Variants in ESRRG observed in about 807,000 individuals in gnomAD.
ESRRG encodes estrogen-related receptor gamma.
In ESRRG, 13 loss-of-function variants were observed where a neutral mutation model predicts 44.0. That is an observed-to-expected ratio of 0.30 (90% CI 0.19 to 0.47). The LOEUF (loss-of-function observed/expected upper bound fraction) is 0.47. Ranked by LOEUF, ESRRG falls within the 20% of genes least tolerant of loss-of-function variation. ESRRG has a pLI of 1.00. For synonymous variants in ESRRG, 215 were observed against 214.6 expected (o/e 1.00, Z -0.02); for missense variants, 395 against 580.6 (o/e 0.68, Z 3.29).
At chr1:216,660,168 T>G (rs2151206342) in intron 2 of ESRRG, among the ~76,000 whole-genome samples, 2 of 152,304 alleles carry the variant, frequency 1.3e-5, no homozygotes, top group Middle Eastern at 6.8e-3. Flanking sequence ...GGGGTAAATA[T>G]GTAAGGACTT....
chr1:216,866,646 T>C (rs909985942), intron 2 of ESRRG, among the ~76,000 whole-genome samples: 1 of 151,950 alleles, frequency 6.6e-6, no homozygotes, highest in Non-Finnish European at 1.5e-5. Context: ...CCTCAGCTCA[T>C]TGCAGTCTTG....
chr1:217,136,252 G>A (rs956657781), intron 1 of ESRRG, among the ~76,000 whole-genome samples: 9 of 152,316 alleles, frequency 5.9e-5, no homozygotes, highest in African/African-American at 1.9e-4. Flanking sequence ...GAAAGGGAAA[G>A]CAACGCCAGG....
chr1:216,858,887 C>T (rs1163613200), intron 2 of ESRRG, among the ~76,000 whole-genome samples: 2 of 152,160 alleles, frequency 1.3e-5, no homozygotes, highest in African/African-American at 4.8e-5. Context: ...GTTCAGGCAA[C>T]CTGTACTGAT....
chr1:216,780,272 A>C (rs2093880986), intron 2 of ESRRG, among the ~76,000 whole-genome samples: 1 of 152,028 alleles, frequency 6.6e-6, no homozygotes. Flanking sequence ...CTGCTTTTAA[A>C]GGAGTACTGT....
chr1:216,631,047 C>T (rs2064083137), intron 3 of ESRRG, among the ~76,000 whole-genome samples: 1 of 149,872 alleles, frequency 6.7e-6, no homozygotes, highest in South Asian at 2.1e-4. Flanking sequence ...ATTTTCTGTT[C>T]TAGGAAGCTG....
chr1:216,707,518 A>T (rs1175348664), intron 1 of ESRRG: 1 of 1,517,260 alleles, frequency 6.6e-7, no homozygotes, highest in African/African-American at 1.4e-5. Flanking sequence ...GTTAGGGTGA[A>T]AGTTGCAATT....
chr1:216,803,479 T>G (rs1386132825), intron 2 of ESRRG, among the ~76,000 whole-genome samples: 1 of 152,162 alleles, frequency 6.6e-6, no homozygotes. Flanking sequence ...CAGATGAGAA[T>G]AAGAACTGCC....
At chr1:216,837,234 C>T (rs764219232) in intron 2 of ESRRG, among the ~76,000 whole-genome samples, 88 of 151,804 alleles carry the variant, frequency 5.8e-4, no homozygotes, top group Non-Finnish European at 3.8e-4. Flanking sequence ...ACAGTGAAAC[C>T]GTGTCTCTAC....
At chr1:216,668,356 G>T (rs758664333) in intron 2 of ESRRG, among the ~76,000 whole-genome samples, 1 of 152,112 alleles carries the variant, frequency 6.6e-6, no homozygotes, top group Non-Finnish European at 1.5e-5. Flanking sequence ...AGGCTCTTAC[G>T]TAGTGTCACC....
chr1:216,964,961 G>A (rs528487654), intron 1 of ESRRG, among the ~76,000 whole-genome samples: 1 of 152,238 alleles, frequency 6.6e-6, no homozygotes, highest in East Asian at 1.9e-4. Context: ...GATTTTAATA[G>A]TTCAATAAAT....
intron 1 of ESRRG, among the ~76,000 whole-genome samples, chr1:216,987,788 A>G (rs561144409): frequency 6.6e-6 from 1 of 152,238 alleles, no homozygotes; most frequent in East Asian, 1.9e-4. Context: ...TCTGGCCACT[A>G]TGATGGTTTG....
intron 2 of ESRRG, among the ~76,000 whole-genome samples, chr1:216,827,106 T>TA (rs2095411044): frequency 6.6e-6 from 1 of 152,208 alleles, no homozygotes; most frequent in African/African-American, 2.4e-5. Context: ...TACTTAATGT[T>TA]AACAGTGGCT....
At chr1:216,932,560 T>C (rs540303679) in intron 2 of ESRRG, among the ~76,000 whole-genome samples, 32 of 152,112 alleles carry the variant, frequency 2.1e-4, no homozygotes, top group Admixed American at 5.9e-4. Context: ...TGTGTATGTG[T>C]TTAGAGACAG....
intron 1 of ESRRG, among the ~76,000 whole-genome samples, chr1:217,065,638 A>C (rs1436884060): frequency 6.6e-6 from 1 of 152,172 alleles, no homozygotes; most frequent in African/African-American, 2.4e-5. Flanking sequence ...GCCACACTGG[A>C]TACTGTCTGC....
intron 3 of ESRRG, among the ~76,000 whole-genome samples, chr1:216,626,826 G>A (rs1366834208): frequency 6.6e-6 from 1 of 152,182 alleles, no homozygotes; most frequent in East Asian, 1.9e-4. Context: ...ACTGCAGTCT[G>A]ACTCATTGTT....
chr1:216,690,283 T>G (rs2078825082), intron 1 of ESRRG, among the ~76,000 whole-genome samples: 1 of 151,996 alleles, frequency 6.6e-6, no homozygotes, highest in Non-Finnish European at 1.5e-5. Context: ...TGTGTTTGCA[T>G]GTGTGTGTGC....
intron 5 of ESRRG, among the ~76,000 whole-genome samples, chr1:216,546,541 A>C (rs72735187): frequency 0.015 from 2,345 of 152,206 alleles, 15 homozygotes; most frequent in Non-Finnish European, 0.024. Context: ...ATAAATTTTT[A>C]ACAAGAGGAT....
chr1:217,077,083 T>A (rs1040281820), intron 1 of ESRRG, among the ~76,000 whole-genome samples: 1 of 152,220 alleles, frequency 6.6e-6, no homozygotes, highest in African/African-American at 2.4e-5. Flanking sequence ...AATCATTTCA[T>A]GTCTGGTTGC....
intron 3 of ESRRG, among the ~76,000 whole-genome samples, chr1:216,627,400 G>C (rs2063363543): frequency 6.6e-6 from 1 of 151,982 alleles, no homozygotes; most frequent in Admixed American, 6.6e-5. Flanking sequence ...TTTACTCTCT[G>C]AGATGCCAGC....
Sources: allele counts gnomAD v4.1 joint callset (sites outside exome capture counted in the v4.1 genomes callset), GRCh38; gene constraint gnomAD v4.1.1; transcripts MANE v1.5; gene names NCBI Gene and HGNC (gene_info 2026-07-23, HGNC 2026-07-21).